Variants in ITSN1 observed in about 807,000 individuals in gnomAD.
The protein encoded by ITSN1 is intersectin-1.
ITSN1 carries 58 observed loss-of-function variants against 239.8 expected under a neutral mutation model. The ratio of observed to expected loss-of-function variants is 0.24; its 90% confidence interval spans 0.20 to 0.30. The LOEUF (loss-of-function observed/expected upper bound fraction) is 0.30. Ranked by LOEUF, ITSN1 falls within the 10% of genes least tolerant of loss-of-function variation. The probability of loss-of-function intolerance (pLI) is 1.00; values close to 1 mark genes in which losing one functional copy is unlikely to be tolerated. For missense variants in ITSN1, 1,558 were observed against 2,103.3 expected (o/e 0.74, Z 5.07); for synonymous variants, 780 against 770.8 (o/e 1.01, Z -0.20).
rs752206485 is a variant in ITSN1, at chr21:33,856,840, C to G, written c.3766C>G (p.Leu1256Val). The change falls in exon 30 of 40, where the codon CTG (leucine) becomes GTG (valine). Residue 1256 changes from leucine to valine, a missense_variant. Around this residue, in one of 2 missense-constraint regions of ITSN1, gnomAD observed 576 missense variants for 893.3 expected, o/e 0.64. Transcript: ENST00000381318. ...CACCGAGGAGAACTATGTGAATGAC[C>G]TGCAGCTGGTCACAGAGGTAAGGGA... is the stretch of plus-strand genomic sequence containing the variant. ...IVTEENYVNDLQLVTEIFQKP... is the reference protein window; with the variant it reads ...IVTEENYVNDVQLVTEIFQKP... 6.2e-7 allele frequency: 1 copy of G among 1,614,012 alleles called. No individual in the cohort carries two copies. Among genetic ancestry groups the G allele is most frequent in the Admixed American group, 1.7e-5 (1 of 60,010 alleles).
At chr21:33,837,893 G>A (rs976492214) in intron 29 of ITSN1, 5 of 985,678 alleles carry the variant, frequency 5.1e-6, no homozygotes, top group Admixed American at 6.2e-5. Context: ...AGGTCGTTAC[G>A]ATCAACGATA....
chr21:33,866,188 T>G (rs1258192299), intron 32 of ITSN1, among the ~76,000 whole-genome samples: 2 of 152,196 alleles, frequency 1.3e-5, no homozygotes, highest in Non-Finnish European at 2.9e-5. Context: ...CTCTTCTTGG[T>G]CAGAGCCTCA....
chr21:33,690,861 AAAAG>A (rs2091512792), intron 1 of ITSN1, among the ~76,000 whole-genome samples: 1 of 127,336 alleles, frequency 7.9e-6, no homozygotes, highest in Non-Finnish European at 1.7e-5. Flanking sequence ...AAAAAAAAAA[AAAAG>A]ACCCATTTCT....
intron 16 of ITSN1, among the ~76,000 whole-genome samples, chr21:33,790,308 TATATACTACA>T (rs2071013318): frequency 7.0e-6 from 1 of 143,492 alleles, no homozygotes; most frequent in Admixed American, 7.1e-5. Flanking sequence ...GTGTGTAGTA[TATATACTACA>T]CATTTTATAG....
At chr21:33,837,493 T>C in intron 29 of ITSN1, 1 of 985,992 alleles carries the variant, frequency 1.0e-6, no homozygotes, top group South Asian at 4.7e-5. Flanking sequence ...TTTTGTCCAG[T>C]GTTACCAACT....
At chr21:33,778,771 G>T (rs1334969255) in intron 14 of ITSN1, among the ~76,000 whole-genome samples, 1 of 141,604 alleles carries the variant, frequency 7.1e-6, no homozygotes, top group African/African-American at 3.0e-5. Context: ...GTAGAGACGG[G>T]GTTTCACCGT....
In ITSN1 at chr21:33,810,010, C is replaced by T. The variant is rs370183754; in HGVS notation, c.2320-965C>T. On this transcript the variant is annotated intron_variant, in intron 20 of 39. Coordinates refer to ENST00000381318, the MANE Select transcript of ITSN1 (RefSeq NM_003024.3). ...GTTTCACTGTGTTGGTCAGGCTGGT[C>T]TCAAACTTCCGACCTCTGGTAATCC... 1.2e-4 allele frequency among the ~76,000 whole-genome samples: 18 copies of T among 152,234 alleles called. No homozygotes were observed. In the South Asian group the frequency reaches 3.3e-3, roughly 28 times the overall value.
chr21:33,806,462 ACCT>A (rs2072460038), intron 20 of ITSN1, among the ~76,000 whole-genome samples: 1 of 152,218 alleles, frequency 6.6e-6, no homozygotes, highest in African/African-American at 2.4e-5. Context: ...TATTAATCTT[ACCT>A]AATGAAGATG....
intron 25 of ITSN1, among the ~76,000 whole-genome samples, chr21:33,824,892 A>T (rs1374414321): frequency 6.6e-6 from 1 of 152,212 alleles, no homozygotes; most frequent in Non-Finnish European, 1.5e-5. Context: ...AGCCCGGAAG[A>T]AAGTAATTTT....
chr21:33,697,059 T>C (rs2091824689), intron 1 of ITSN1, among the ~76,000 whole-genome samples: 1 of 151,802 alleles, frequency 6.6e-6, no homozygotes, highest in African/African-American at 2.4e-5. Context: ...TATTTGGAAG[T>C]TTTGGAAGAC....
At chr21:33,763,608 G>T (rs1025698620) in intron 9 of ITSN1, among the ~76,000 whole-genome samples, 2 of 152,014 alleles carry the variant, frequency 1.3e-5, no homozygotes, top group African/African-American at 4.8e-5. Context: ...GAGAATTGCG[G>T]ATCAGATTTG....
intron 5 of ITSN1, among the ~76,000 whole-genome samples, chr21:33,739,778 G>A (rs571954909): frequency 6.6e-6 from 1 of 152,318 alleles, no homozygotes; most frequent in African/African-American, 2.4e-5. Context: ...GAGGGGCGTC[G>A]TAGCTGAAGC....
chr21:33,794,584 C>A, intron 17 of ITSN1, 116 bp downstream of exon 17: 1 of 1,341,856 alleles, frequency 7.5e-7, no homozygotes, highest in Non-Finnish European at 1.0e-6. Context: ...CTTTAGTGTG[C>A]ATGTGAAGTG....
At chr21:33,686,053 C>T (rs2091219997) in intron 1 of ITSN1, among the ~76,000 whole-genome samples, 2 of 152,146 alleles carry the variant, frequency 1.3e-5, no homozygotes, top group South Asian at 4.1e-4. Context: ...TTTATTACAA[C>T]TTAGAAGGTA....
chr21:33,812,324 A>G (rs2148201026), intron 21 of ITSN1, among the ~76,000 whole-genome samples: 1 of 152,312 alleles, frequency 6.6e-6, no homozygotes, highest in African/African-American at 2.4e-5. Flanking sequence ...CCTCTTCTTC[A>G]ATATATGTAT....
rs1483827283 is a variant in ITSN1, at chr21:33,898,388, A to G, written c.*10088A>G. ...CAGGCTTCTGGATGCCCATGTTTCCATGGAGACCCCAGGGGGAAGATGCCT... is the reference window on the plus strand; with the variant it reads ...CAGGCTTCTGGATGCCCATGTTTCCGTGGAGACCCCAGGGGGAAGATGCCT... On this transcript the variant is annotated 3_prime_UTR_variant, in exon 40 of 40. Transcript: ENST00000381318. 2 of 152,298 alleles carry G rather than the reference A, an allele frequency of 1.3e-5. No individual in the cohort carries two copies. Among genetic ancestry groups the G allele is most frequent in the East Asian group, 3.9e-4 (2 of 5,180 alleles). The allele number at this position is 152,298 out of a possible 1,614,324, so 9.4% of individuals were successfully genotyped here.
At chr21:33,875,713 C>T (rs960713085) in intron 34 of ITSN1, among the ~76,000 whole-genome samples, 192 bp downstream of exon 34, 2 of 152,254 alleles carry the variant, frequency 1.3e-5, no homozygotes, top group Non-Finnish European at 2.9e-5. Flanking sequence ...TAGAGTCTCA[C>T]TCTGTTGCCC....
chr21:33,850,829 C>T (rs1978291890), intron 29 of ITSN1, among the ~76,000 whole-genome samples: 1 of 152,166 alleles, frequency 6.6e-6, no homozygotes, highest in Non-Finnish European at 1.5e-5. Context: ...GAAGGGAGTG[C>T]AGTTAGATTA....
At chr21:33,712,732 C>T (rs1357662739) in intron 1 of ITSN1, among the ~76,000 whole-genome samples, 1 of 152,176 alleles carries the variant, frequency 6.6e-6, no homozygotes, top group Admixed American at 6.5e-5. Context: ...AGTTTTTACT[C>T]CATGGAAAGG....
Sources: allele counts gnomAD v4.1 joint callset (sites outside exome capture counted in the v4.1 genomes callset), GRCh38; gene constraint gnomAD v4.1.1; regional missense constraint gnomAD v4.1.1; transcripts MANE v1.5; gene names NCBI Gene and HGNC (gene_info 2026-07-23, HGNC 2026-07-21).